Variants in PCDH15 observed in about 807,000 individuals in gnomAD.
PCDH15 encodes protocadherin-15.
A neutral mutation model predicts 178.5 loss-of-function variants in PCDH15; 129 were observed. The observed-to-expected ratio is 0.72, with a 90% CI of 0.63 to 0.84. PCDH15 has a LOEUF of 0.84. Among genes scored for constraint, PCDH15 ranks in the 40% least tolerant of loss-of-function variants. The pLI is 0.00. For synonymous variants in PCDH15, 800 were observed against 732.0 expected, an observed-to-expected ratio of 1.09 and a Z score of -1.50; for missense variants, 2,230 against 2,099.9, an observed-to-expected ratio of 1.06 and a Z score of -1.21.
chr10:55,600,062 A>T (rs557430521), intron 2 of PCDH15: 5 of 923,940 alleles, frequency 5.4e-6, no homozygotes, highest in Non-Finnish European at 7.4e-6. Context: ...TCATCCCTGC[A>T]TTAAAAATTT....
chr10:55,265,979 G>C (rs375727649), intron 1 of PCDH15, among the ~76,000 whole-genome samples: 2 of 152,018 alleles, frequency 1.3e-5, no homozygotes, highest in African/African-American at 2.4e-5. Context: ...CCTCAAACAG[G>C]GTGCACCTAT....
chr10:54,164,569 T>C (rs2046022887), intron 13 of PCDH15, among the ~76,000 whole-genome samples: 1 of 152,296 alleles, frequency 6.6e-6, no homozygotes, highest in East Asian at 1.9e-4. Context: ...GTCTTTCAAA[T>C]GTTAAAGAAA....
intron 2 of PCDH15, among the ~76,000 whole-genome samples, chr10:55,395,168 C>CGT (rs35472682): frequency 0.012 from 1,546 of 127,710 alleles, 13 homozygotes; most frequent in East Asian, 0.049. Flanking sequence ...TATTTAACTG[C>CGT]GTGTGTGTGT....
chr10:54,427,088 G>A (rs1956355184), intron 3 of PCDH15, among the ~76,000 whole-genome samples: 1 of 151,432 alleles, frequency 6.6e-6, no homozygotes, highest in African/African-American at 2.4e-5. Flanking sequence ...CCATTTTTGT[G>A]AAGATAGGCC....
At chr10:55,195,847 C>T (rs1461726020) in intron 1 of PCDH15, among the ~76,000 whole-genome samples, 1 of 151,936 alleles carries the variant, frequency 6.6e-6, no homozygotes. Flanking sequence ...TGAAATAATA[C>T]TTGAAATCCC....
chr10:54,787,696 A>G (rs1039552242), intron 1 of PCDH15, among the ~76,000 whole-genome samples: 1 of 151,946 alleles, frequency 6.6e-6, no homozygotes, highest in Non-Finnish European at 1.5e-5. Flanking sequence ...TCATCAGGGC[A>G]TGAACCTCAG....
At chr10:54,527,765 GA>G (rs777248441) in intron 3 of PCDH15, 46 bp downstream of exon 3, 25 of 1,487,456 alleles carry the variant, frequency 1.7e-5, no homozygotes, top group Non-Finnish European at 2.2e-5. Flanking sequence ...AAAATCTGAA[GA>G]AAACCCTCTT....
At chr10:55,325,991 C>T (rs911099890) in intron 2 of PCDH15, among the ~76,000 whole-genome samples, 6 of 152,010 alleles carry the variant, frequency 3.9e-5, no homozygotes, top group Non-Finnish European at 8.8e-5. Context: ...AAAAAAAATG[C>T]TCAGCGTCAC....
intron 13 of PCDH15, among the ~76,000 whole-genome samples, chr10:54,180,693 G>C (rs2047904283): frequency 6.6e-6 from 1 of 152,168 alleles, no homozygotes; most frequent in Non-Finnish European, 1.5e-5. Flanking sequence ...TTCTCTCAAT[G>C]AGAACTAGTT....
chr10:54,683,912 G>C (rs2135699282), intron 1 of PCDH15, among the ~76,000 whole-genome samples: 1 of 152,062 alleles, frequency 6.6e-6, no homozygotes, highest in East Asian at 1.9e-4. Flanking sequence ...AAATCATCTA[G>C]AAAGGGTGTT....
chr10:55,070,718 T>C (rs1335394527), intron 2 of PCDH15, among the ~76,000 whole-genome samples: 1 of 150,862 alleles, frequency 6.6e-6, no homozygotes, highest in Admixed American at 6.6e-5. Flanking sequence ...CGTGATGCCT[T>C]CAGCTTTGTT....
At chr10:53,831,885 GTTTATA>G (rs1347432745) in intron 29 of PCDH15, among the ~76,000 whole-genome samples, 1 of 151,976 alleles carries the variant, frequency 6.6e-6, no homozygotes, top group African/African-American at 2.4e-5. Flanking sequence ...ATATACCATA[GTTTATA>G]TTTATGCATT....
At chr10:54,892,819 C>A (rs985704587) in intron 3 of PCDH15, among the ~76,000 whole-genome samples, 4 of 151,514 alleles carry the variant, frequency 2.6e-5, no homozygotes, top group African/African-American at 9.7e-5. Flanking sequence ...CTCTGCCCCC[C>A]AGGTTCAAGC....
chr10:55,483,209 A>C (rs1301148031), intron 2 of PCDH15, among the ~76,000 whole-genome samples: 1 of 151,834 alleles, frequency 6.6e-6, no homozygotes, highest in Non-Finnish European at 1.5e-5. Flanking sequence ...TGAAGAACAG[A>C]AGAAAATTTT....
chr10:54,185,029 G>C (rs963444687), intron 12 of PCDH15, 105 bp downstream of exon 12: 5 of 1,344,640 alleles, frequency 3.7e-6, no homozygotes, highest in Admixed American at 1.9e-5. Context: ...TTTCCCCCAA[G>C]TCATTGATTT....
At position 55,581,816 on chromosome 10, in the gene PCDH15, A is replaced by T. The variant is rs370282828; in HGVS notation, c.-156+45809T>A. 7.9e-5 allele frequency among the ~76,000 whole-genome samples: 12 copies of T among 152,202 alleles called. No homozygotes were observed. The East Asian group carries it at 1.9e-3, about 25-fold the overall frequency. The stretch of plus-strand genomic sequence containing the variant: ...GTCTAACACACACATACATGCGTGC[A>T]CACACACACTGTTACACATGTGGGC... On this transcript the variant is annotated intron_variant, in intron 2 of 5. Coordinates refer to the PCDH15 transcript ENST00000613346.
intron 3 of PCDH15, among the ~76,000 whole-genome samples, chr10:54,853,279 ATGTATGTG>A (rs1435816265): frequency 1.1e-5 from 1 of 91,280 alleles, no homozygotes; most frequent in Non-Finnish European, 2.2e-5. Context: ...ATATATGTGT[ATGTATGTG>A]TGTATATATA....
chr10:54,420,415 C>T (rs181659701), intron 3 of PCDH15, among the ~76,000 whole-genome samples: 89 of 152,038 alleles, frequency 5.9e-4, no homozygotes, highest in Non-Finnish European at 1.1e-3. Flanking sequence ...TTAAGCAAGA[C>T]GGAGCTCATG....
chr10:54,777,569 T>C (rs1440595628), intron 1 of PCDH15, among the ~76,000 whole-genome samples: 1 of 152,148 alleles, frequency 6.6e-6, no homozygotes, highest in Non-Finnish European at 1.5e-5. Context: ...TGAAAGATGA[T>C]GTAAACTTAT....
Sources: allele counts gnomAD v4.1 joint callset (sites outside exome capture counted in the v4.1 genomes callset), GRCh38; gene constraint gnomAD v4.1.1; transcripts MANE v1.5; gene names NCBI Gene and HGNC (gene_info 2026-07-23, HGNC 2026-07-21).